The following PPARGC1A variants were observed in gnomAD, a reference collection of about 807,000 sequenced individuals.
PPARGC1A encodes the protein PPARG coactivator 1 alpha.
A neutral mutation model predicts 88.7 loss-of-function variants in PPARGC1A; 25 were observed. That is an observed-to-expected ratio of 0.28 (90% CI 0.21 to 0.39). The LOEUF (loss-of-function observed/expected upper bound fraction) is 0.39, where lower values mean the gene tolerates loss of function less well. Ranked by LOEUF, PPARGC1A falls within the 10% of genes least tolerant of loss-of-function variation. The probability of loss-of-function intolerance (pLI) is 1.00; values close to 1 mark genes in which losing one functional copy is unlikely to be tolerated. For missense variants in PPARGC1A, 880 were observed against 968.7 expected (o/e 0.91, Z 1.22); for synonymous variants, 363 against 355.6 (o/e 1.02, Z -0.24).
chr4:24,174,546 C>T, the PPARGC1A span, among the ~76,000 whole-genome samples: 2 of 152,222 alleles, frequency 1.3e-5, no homozygotes, highest in Admixed American at 6.5e-5. Flanking sequence ...AAACTTCCCA[C>T]TGTAATTCAC....
chr4:23,954,252 T>C, the PPARGC1A span, among the ~76,000 whole-genome samples: 1 of 152,118 alleles, frequency 6.6e-6, no homozygotes, highest in African/African-American at 2.4e-5. Context: ...TTTTCCACTC[T>C]AGCAGTTTAG....
At chr4:24,041,836 T>C in the PPARGC1A span, among the ~76,000 whole-genome samples, 2 of 152,018 alleles carry the variant, frequency 1.3e-5, no homozygotes, top group East Asian at 3.9e-4. Flanking sequence ...ATTATATGGG[T>C]AACAAGTTGT....
At chr4:24,020,234 T>C in the PPARGC1A span, among the ~76,000 whole-genome samples, 1 of 152,186 alleles carries the variant, frequency 6.6e-6, no homozygotes, top group African/African-American at 2.4e-5. Context: ...GGTTTTCCAT[T>C]AGCAGGACTA....
chr4:24,080,442 T>G, the PPARGC1A span, among the ~76,000 whole-genome samples: 1 of 152,102 alleles, frequency 6.6e-6, no homozygotes, highest in Non-Finnish European at 1.5e-5. Context: ...AATTTTTCAG[T>G]GTTTCTAAGA....
At chr4:23,876,437 C>T (rs1714702789) in intron 2 of PPARGC1A, among the ~76,000 whole-genome samples, 1 of 152,146 alleles carries the variant, frequency 6.6e-6, no homozygotes, top group African/African-American at 2.4e-5. Context: ...CACTAAGCAC[C>T]AGCATTTTGC....
chr4:23,863,186 C>T (rs4697426), intron 2 of PPARGC1A, among the ~76,000 whole-genome samples: 27,315 of 151,970 alleles, frequency 0.18, 2,973 homozygotes, highest in Middle Eastern at 0.3. Flanking sequence ...CTTTCATTGT[C>T]ACCATCACCC....
chr4:24,311,188 C>G, the PPARGC1A span, among the ~76,000 whole-genome samples: 1 of 135,712 alleles, frequency 7.4e-6, no homozygotes, highest in East Asian at 2.3e-4. Context: ...CAAGCTCCGC[C>G]TCCTGGGTTC....
At chr4:24,168,615 A>G in the PPARGC1A span, among the ~76,000 whole-genome samples, 1 of 149,792 alleles carries the variant, frequency 6.7e-6, no homozygotes, top group Non-Finnish European at 1.5e-5. Flanking sequence ...AAGAGCTCAC[A>G]CACACACACA....
the PPARGC1A span, among the ~76,000 whole-genome samples, chr4:24,325,562 C>T: frequency 6.6e-6 from 1 of 152,136 alleles, no homozygotes; most frequent in African/African-American, 2.4e-5. Context: ...CCCATCTGTG[C>T]GGGACCCCAC....
chr4:24,370,994 T>C, the PPARGC1A span, among the ~76,000 whole-genome samples: 1 of 152,022 alleles, frequency 6.6e-6, no homozygotes, highest in East Asian at 1.9e-4. Flanking sequence ...TGTGTTCTCA[T>C]TGTTCAACTC....
At chr4:24,063,193 G>T in the PPARGC1A span, among the ~76,000 whole-genome samples, 1 of 152,066 alleles carries the variant, frequency 6.6e-6, no homozygotes, top group South Asian at 2.1e-4. Context: ...TGTCCACTAT[G>T]CCCCAGCCAC....
At chr4:24,459,387 T>C in the PPARGC1A span, among the ~76,000 whole-genome samples, 1 of 151,534 alleles carries the variant, frequency 6.6e-6, no homozygotes, top group Non-Finnish European at 1.5e-5. Flanking sequence ...ACATGATTAA[T>C]AAAGATGTTT....
At chr4:24,282,232 T>C in the PPARGC1A span, among the ~76,000 whole-genome samples, 3 of 152,198 alleles carry the variant, frequency 2.0e-5, no homozygotes, top group Non-Finnish European at 4.4e-5. Flanking sequence ...TTTTCTGACA[T>C]GGAGGCCCAT....
At chr4:24,385,487 G>T in the PPARGC1A span, among the ~76,000 whole-genome samples, 2 of 151,998 alleles carry the variant, frequency 1.3e-5, no homozygotes, top group Non-Finnish European at 2.9e-5. Flanking sequence ...AAAATAGATA[G>T]ACCACTAGCC....
the PPARGC1A span, among the ~76,000 whole-genome samples, chr4:24,223,593 T>G: frequency 3.3e-5 from 5 of 152,222 alleles, no homozygotes; most frequent in African/African-American, 1.2e-4. Context: ...AGACTACATC[T>G]TGTTTTCAAT....
At chr4:24,339,868 A>G in the PPARGC1A span, among the ~76,000 whole-genome samples, 1 of 151,706 alleles carries the variant, frequency 6.6e-6, no homozygotes, top group Admixed American at 6.6e-5. Context: ...CCTCCCGAGT[A>G]GCTGGGACTA....
At chr4:24,079,146 A>G in the PPARGC1A span, among the ~76,000 whole-genome samples, 1 of 152,066 alleles carries the variant, frequency 6.6e-6, no homozygotes, top group Non-Finnish European at 1.5e-5. Context: ...TTCCTTAAGA[A>G]CTATTTCTAG....
the PPARGC1A span, among the ~76,000 whole-genome samples, chr4:24,108,721 C>G: frequency 6.6e-6 from 1 of 152,084 alleles, no homozygotes; most frequent in East Asian, 1.9e-4. Context: ...ACCAGTAAGT[C>G]ACAGCTGTGC....
the PPARGC1A span, among the ~76,000 whole-genome samples, chr4:24,470,528 G>T: frequency 6.6e-6 from 1 of 152,088 alleles, no homozygotes; most frequent in Non-Finnish European, 1.5e-5. The surrounding 1 kb of genome is among the most constrained non-coding windows in gnomAD (Gnocchi z 5.8). Context: ...GGCCCCGATC[G>T]TGCTTCTCCA....
Sources: gnomAD v4.1 joint callset for allele counts (sites outside exome capture counted in the v4.1 genomes callset) on GRCh38, gnomAD v4.1.1 for gene constraint, Gnocchi (gnomAD v3.1) non-coding constraint, MANE v1.5 for transcripts, NCBI Gene and HGNC (gene_info 2026-07-23, HGNC 2026-07-21) for gene names.